The following IQCK variants were observed in gnomAD, a reference collection of about 807,000 sequenced individuals.
IQCK encodes IQ domain-containing protein K.
In IQCK, 29 loss-of-function variants were observed where a neutral mutation model predicts 28.1. The ratio of observed to expected loss-of-function variants is 1.03; its 90% CI spans 0.77 to 1.41. The LOEUF (loss-of-function observed/expected upper bound fraction) is 1.41. Among genes scored for constraint, IQCK ranks in the 40% most tolerant of loss-of-function variants. The pLI, the probability that IQCK is intolerant of heterozygous loss-of-function variation, is 0.00. For missense variants in IQCK, 359 were observed against 314.7 expected, an observed-to-expected ratio of 1.14 and a Z score of -1.07; for synonymous variants, 113 against 115.1, an observed-to-expected ratio of 0.98 and a Z score of 0.12.
chr16:19,843,717 C>A (rs2056386012), intron 9 of IQCK, among the ~76,000 whole-genome samples: 2 of 152,222 alleles, frequency 1.3e-5, no homozygotes, highest in Admixed American at 1.3e-4. Flanking sequence ...TCCCGGCTTG[C>A]AGACAGCCAC....
At position 19,821,420 on chromosome 16, in the gene IQCK, G is replaced by A. The variant is rs1217685077; in HGVS notation, c.691-5606G>A. Among the ~76,000 whole-genome samples the A allele has an allele frequency of 2.0e-5, 3 of 152,172 alleles. No homozygotes were observed. In the South Asian group the frequency reaches 6.2e-4, roughly 32 times the overall value. On this transcript the variant is annotated intron_variant, in intron 7 of 7. Transcript: ENST00000564186. ...AACTCCCCTTCCAAATTGAAAATAG[G>A]TATTTAAACAAAAACTCGCCTGTAA...
intron 6 of IQCK, among the ~76,000 whole-genome samples, chr16:19,765,268 T>C (rs571952407): frequency 1.9e-4 from 29 of 148,806 alleles, no homozygotes; most frequent in Non-Finnish European, 3.7e-4. Flanking sequence ...CCGGGCATGG[T>C]GGCTTATGCC....
chr16:19,783,003 G>T (rs117650757), intron 6 of IQCK, among the ~76,000 whole-genome samples: 49,429 of 149,558 alleles, frequency 0.33, 12,761 homozygotes, highest in African/African-American at 0.73. Context: ...TTTTTTGTGT[G>T]TGTGTGTGTG....
chr16:19,843,631 T>C (rs1221128228), intron 9 of IQCK, among the ~76,000 whole-genome samples: 2 of 152,212 alleles, frequency 1.3e-5, no homozygotes, highest in Non-Finnish European at 2.9e-5. Flanking sequence ...AACAGACATT[T>C]CTTCTCTCAT....
chr16:19,730,496 T>G lies in IQCK; in HGVS notation c.246+2T>G. 1 of 1,604,496 alleles carries G rather than the reference T, an allele frequency of 6.2e-7. No individual in the cohort carries two copies. Among genetic ancestry groups the G allele is most frequent in the South Asian group, 1.1e-5 (1 of 89,308 alleles). ...GTCAAACAGGAGCCTGTGATTACGG[T>G]GAGTATTACCTAGGCCTCAACCGAA... On this transcript the variant is annotated splice_donor_variant, in intron 2 of 7. Transcript: ENST00000564186. LOFTEE classifies it high-confidence loss of function.
intron 1 of IQCK, among the ~76,000 whole-genome samples, chr16:19,725,208 TA>T (rs1977617980): frequency 1.3e-5 from 2 of 152,204 alleles, no homozygotes; most frequent in African/African-American, 4.8e-5. Context: ...AATTTTTTTT[TA>T]ATTTTTATTT....
At chr16:19,841,306 T>G (rs566785905) in intron 9 of IQCK, among the ~76,000 whole-genome samples, 1 of 152,182 alleles carries the variant, frequency 6.6e-6, no homozygotes, top group Non-Finnish European at 1.5e-5. Context: ...CTAAGGAATC[T>G]TTTGCATGAG....
intron 7 of IQCK, among the ~76,000 whole-genome samples, chr16:19,799,633 CACACACA>C (rs2055734880): frequency 2.9e-5 from 4 of 140,038 alleles, no homozygotes; most frequent in African/African-American, 1.3e-4. Context: ...CACACACACA[CACACACA>C]CCCAGTGAAT....
chr16:19,836,641 G>A (rs929859183), intron 9 of IQCK, among the ~76,000 whole-genome samples: 7 of 152,122 alleles, frequency 4.6e-5, no homozygotes, highest in South Asian at 2.1e-4. Flanking sequence ...AGCCTCCCGA[G>A]TAGCTGGGAC....
At chr16:19,838,607 T>C (rs1441389477) in intron 9 of IQCK, among the ~76,000 whole-genome samples, 2 of 152,136 alleles carry the variant, frequency 1.3e-5, no homozygotes, top group African/African-American at 2.4e-5. Flanking sequence ...CTGCCAAACG[T>C]TGCGTGTCTG....
intron 1 of IQCK, among the ~76,000 whole-genome samples, chr16:19,722,107 C>T (rs775365999): frequency 1.3e-5 from 2 of 152,086 alleles, no homozygotes; most frequent in Non-Finnish European, 2.9e-5. Context: ...AACTGGCTCT[C>T]AGCACTGCTC....
chr16:19,759,460 C>T (rs1030019492), intron 4 of IQCK, among the ~76,000 whole-genome samples: 1 of 152,098 alleles, frequency 6.6e-6, no homozygotes, highest in South Asian at 2.1e-4. Flanking sequence ...CCGCCTGCCT[C>T]GGCCTCCCAA....
At chr16:19,751,574 G>T (rs1483439553) in intron 4 of IQCK, among the ~76,000 whole-genome samples, 2 of 152,180 alleles carry the variant, frequency 1.3e-5, no homozygotes, top group East Asian at 3.9e-4. Context: ...GAGAGTTGGG[G>T]TCCAGGTAGG....
chr16:19,734,817 A>G (rs1199950288), intron 3 of IQCK, among the ~76,000 whole-genome samples: 3 of 151,762 alleles, frequency 2.0e-5, no homozygotes, highest in Non-Finnish European at 1.5e-5. Flanking sequence ...AGAAGAAAAC[A>G]TCATCATGCT....
intron 9 of IQCK, among the ~76,000 whole-genome samples, chr16:19,833,459 A>C (rs1176293942): frequency 6.6e-6 from 1 of 152,178 alleles, no homozygotes; most frequent in African/African-American, 2.4e-5. Flanking sequence ...CACAACAATA[A>C]AGGAAATACG....
At chr16:19,808,730 A>G (rs895060999) in intron 7 of IQCK, among the ~76,000 whole-genome samples, 11 of 152,242 alleles carry the variant, frequency 7.2e-5, no homozygotes, top group African/African-American at 2.2e-4. Context: ...AGAGCATAAA[A>G]TAAGTGTGAG....
intron 4 of IQCK, among the ~76,000 whole-genome samples, chr16:19,740,677 T>A (rs757532915): frequency 1.1e-4 from 16 of 152,110 alleles, no homozygotes; most frequent in Non-Finnish European, 1.9e-4. Flanking sequence ...TTCATACATG[T>A]AAAGAATATC....
chr16:19,857,166 T>G (rs1233719621), exon 10 of IQCK: 1 of 230,966 alleles, frequency 4.3e-6, no homozygotes, highest in Non-Finnish European at 8.5e-6. Flanking sequence ...CTTATTACCT[T>G]AATATGTTCT....
rs545628887 is a variant in IQCK, at chr16:19,804,912, T to C, written c.690+15990T>C. Among the ~76,000 whole-genome samples, 33 of 152,362 alleles carry C rather than the reference T, an allele frequency of 2.2e-4. No homozygotes were observed. In the South Asian group the frequency reaches 6.8e-3, roughly 32 times the overall value. On this transcript the variant is annotated intron_variant, in intron 7 of 7. Coordinates refer to ENST00000564186, the Ensembl canonical transcript of IQCK. ...ATCGTAAAGTTCCAACAATCGTTGT[T>C]TAAGCGCCAGATTCTTTTTTCCTTC...
Sources: allele counts gnomAD v4.1 joint callset (sites outside exome capture counted in the v4.1 genomes callset), GRCh38; gene constraint gnomAD v4.1.1; transcripts MANE v1.5; gene names NCBI Gene and HGNC (gene_info 2026-07-23, HGNC 2026-07-21).